DNAH12: variants seen among roughly 807,000 people sequenced by gnomAD.
The protein encoded by DNAH12 is axonemal beta dynein heavy chain 12.
In DNAH12, 285 loss-of-function variants were observed where a neutral mutation model predicts 371.5. The observed-to-expected ratio is 0.77, with a 90% confidence interval of 0.70 to 0.85. The LOEUF (loss-of-function observed/expected upper bound fraction) is 0.85, where lower values mean the gene tolerates loss of function less well. Ranked by LOEUF, DNAH12 falls within the 40% of genes least tolerant of loss-of-function variation. The probability of loss-of-function intolerance (pLI) is 0.00; values close to 1 mark genes in which losing one functional copy is unlikely to be tolerated. For missense variants in DNAH12, 3,611 were observed against 3,689.4 expected (o/e 0.98, Z 0.55); for synonymous variants, 1,200 against 1,213.0 (o/e 0.99, Z 0.22).
chr3:57,371,092 T>A (rs1192111888), intron 55 of DNAH12, among the ~76,000 whole-genome samples: 1 of 152,178 alleles, frequency 6.6e-6, no homozygotes, highest in East Asian at 1.9e-4. Flanking sequence ...CCTGCATGAC[T>A]GAGGAAACTC....
At chr3:57,408,655 G>A (rs2064111725) in intron 39 of DNAH12, 120 bp from the exon 40 acceptor site, 1 of 1,253,914 alleles carries the variant, frequency 8.0e-7, no homozygotes, top group Admixed American at 3.7e-5. Flanking sequence ...AATAACTTCA[G>A]ATAACACTTT....
chr3:57,419,483 T>A lies in DNAH12; in HGVS notation c.5598A>T (p.Glu1866Asp), dbSNP rs797021784. The change falls in exon 37 of 74, where the codon GAA (glutamate) becomes GAT (aspartate). Residue 1866 changes from glutamate to aspartate, a missense_variant. By Grantham distance (45) the Glu-to-Asp change is conservative (BLOSUM62 2). Coordinates refer to ENST00000495027, the MANE Select transcript of DNAH12 (RefSeq NM_001366028.2). ...CTCCTAAATTAGTATTTTTAATTAATTCATTCCAATGGACCCAGCGACCTT... is the reference window on the plus strand; with the variant it reads ...CTCCTAAATTAGTATTTTTAATTAAATCATTCCAATGGACCCAGCGACCTT... ...KNKGRWVHWN[E>D]LIKNTNLGDK... 6.8e-7 allele frequency: 1 copy of A among 1,480,668 alleles called. No individual in the cohort carries two copies. The highest frequency in any genetic ancestry group is 8.9e-7 in the Non-Finnish European group (1 of 1,117,696). 91.7% of individuals were successfully genotyped at this position (1,480,668 alleles called of 1,614,324 possible). A position where few individuals can be genotyped will look rare whatever the true frequency, so the allele number is the denominator to read the frequency against.
In DNAH12 at chr3:57,433,739, T is replaced by C. The variant is rs2065024344; in HGVS notation, c.4745A>G (p.Tyr1582Cys). ...DTLTLMNEHG[Y>C]GEEEKVIYRT... ...ATAAATGACCTTTTCTTCCTCTCCA[T>C]AGCCATGTTCATTCATTAAAGTTAG... The change falls in exon 31 of 74, where the codon TAT (tyrosine) becomes TGT (cysteine). Residue 1582 changes from tyrosine to cysteine, a missense_variant. By Grantham distance (194) the Tyr-to-Cys change is radical. This residue lies in a region of DNAH12 where 2,266 missense variants were observed against 2,236.9 expected (regional missense o/e 1.01). Coordinates refer to ENST00000495027, the MANE Select transcript of DNAH12 (RefSeq NM_001366028.2). The C allele has an allele frequency of 6.4e-7, 1 of 1,551,472 alleles. No homozygotes were observed. Among genetic ancestry groups the C allele is most frequent in the South Asian group, 1.2e-5 (1 of 84,026 alleles).
intron 45 of DNAH12, among the ~76,000 whole-genome samples, chr3:57,391,282 A>G (rs1472866503): frequency 1.3e-5 from 2 of 152,140 alleles, no homozygotes; most frequent in African/African-American, 4.8e-5. Flanking sequence ...AATCCAATGG[A>G]ACAAAAATGC....
At chr3:57,450,250 T>TAAAAAAAAAAAAA (rs58958877) in intron 25 of DNAH12, among the ~76,000 whole-genome samples, 2 of 98,580 alleles carry the variant, frequency 2.0e-5, no homozygotes, top group African/African-American at 8.1e-5. Flanking sequence ...TGTCTCAATT[T>TAAAAAAAAAAAAA]AAAAAAAAAA....
At chr3:57,536,056 CG>C (rs1371277505) in intron 2 of DNAH12, among the ~76,000 whole-genome samples, 1 of 151,076 alleles carries the variant, frequency 6.6e-6, no homozygotes, top group Non-Finnish European at 1.5e-5. Flanking sequence ...AGGCTGGTCT[CG>C]AACTCCTGAC....
At chr3:57,517,394 G>T (rs907955062) in intron 4 of DNAH12, among the ~76,000 whole-genome samples, 4 of 151,896 alleles carry the variant, frequency 2.6e-5, no homozygotes, top group African/African-American at 9.7e-5. Flanking sequence ...AGAATCTCAT[G>T]AATAAATAAA....
chr3:57,403,073 C>T (rs1171898025), intron 43 of DNAH12, among the ~76,000 whole-genome samples: 1 of 152,090 alleles, frequency 6.6e-6, no homozygotes, highest in African/African-American at 2.4e-5. Flanking sequence ...AGAGACAACC[C>T]ACCTGCTGCA....
At chr3:57,314,289 G>A (rs1431232821) in intron 66 of DNAH12, among the ~76,000 whole-genome samples, 1 of 152,136 alleles carries the variant, frequency 6.6e-6, no homozygotes, top group Non-Finnish European at 1.5e-5. Context: ...GAGTTTCATT[G>A]TGGTTTAAGC....
At chr3:57,410,119 G>A (rs1386776876) in intron 39 of DNAH12, among the ~76,000 whole-genome samples, 1 of 152,198 alleles carries the variant, frequency 6.6e-6, no homozygotes, top group Non-Finnish European at 1.5e-5. Context: ...GTTGAAAAGT[G>A]CAGGCATACC....
At chr3:57,333,692 G>A (rs934471509) in intron 62 of DNAH12, among the ~76,000 whole-genome samples, 6 of 152,114 alleles carry the variant, frequency 3.9e-5, no homozygotes, top group Non-Finnish European at 8.8e-5. Context: ...CAAAGACATC[G>A]TGGGGCTGGA....
chr3:57,519,171 G>A (rs568146290), intron 4 of DNAH12, among the ~76,000 whole-genome samples: 2 of 152,254 alleles, frequency 1.3e-5, no homozygotes, highest in South Asian at 2.1e-4. Context: ...CATCTTTCGC[G>A]TGCTTATTTG....
At chr3:57,543,267 A>AG (rs2069374814) in intron 1 of DNAH12, among the ~76,000 whole-genome samples, 1 of 143,782 alleles carries the variant, frequency 7.0e-6, no homozygotes, top group Non-Finnish European at 1.5e-5. Flanking sequence ...CCAGTTGTTG[A>AG]GGGATGATCC....
At chr3:57,413,024 T>C (rs1381350654) in intron 39 of DNAH12, among the ~76,000 whole-genome samples, 1 of 152,188 alleles carries the variant, frequency 6.6e-6, no homozygotes, top group Non-Finnish European at 1.5e-5. Context: ...TGTTGAAAAC[T>C]TGGAAGCAAC....
chr3:57,495,793 AT>A lies in DNAH12; in HGVS notation c.1335+5527del, dbSNP rs1310179415. On this transcript the variant is annotated intron_variant, in intron 11 of 73. Transcript: ENST00000495027. ...TTTATATATTTTTATATATTTATATATTTTTAATCCTTGATTTTATATATAT... is the reference window on the plus strand; with the variant it reads ...TTTATATATTTTTATATATTTATATATTTTAATCCTTGATTTTATATATAT... Among the ~76,000 whole-genome samples, 8 of 143,548 alleles carry A rather than the reference AT, an allele frequency of 5.6e-5. 1 individual carries two copies. Among genetic ancestry groups the A allele is most frequent in the Admixed American group, 4.2e-4 (6 of 14,148 alleles). The allele number at this position is 143,548 out of a possible 152,430, so 94.2% of individuals were successfully genotyped here. A position where few individuals can be genotyped will look rare whatever the true frequency, so the allele number is the denominator to read the frequency against.
chr3:57,479,289 G>C (rs2066651213), intron 13 of DNAH12, among the ~76,000 whole-genome samples: 2 of 151,974 alleles, frequency 1.3e-5, no homozygotes, highest in African/African-American at 4.8e-5. Context: ...TGATAAAACA[G>C]ACTTTAAACC....
At chr3:57,475,092 T>C (rs768154371) in intron 13 of DNAH12, among the ~76,000 whole-genome samples, 1 of 152,062 alleles carries the variant, frequency 6.6e-6, no homozygotes, top group Non-Finnish European at 1.5e-5. Context: ...TATGGGAAAA[T>C]ATTTAAATTG....
intron 70 of DNAH12, chr3:57,297,359 AT>A (rs35527517): frequency 0.017 from 2,625 of 157,936 alleles, 15 homozygotes; most frequent in Middle Eastern, 0.031. Context: ...CCTTAACCCT[AT>A]TTTTTTTTTT....
At chr3:57,390,114 G>A (rs2058367367) in intron 45 of DNAH12, among the ~76,000 whole-genome samples, 2 of 148,696 alleles carry the variant, frequency 1.3e-5, no homozygotes, top group Non-Finnish European at 3.0e-5. Flanking sequence ...GATTACAGGC[G>A]TGAGCCACCG....
Sources: gnomAD v4.1 joint callset for allele counts (sites outside exome capture counted in the v4.1 genomes callset) on GRCh38, gnomAD v4.1.1 for gene constraint, gnomAD v4.1.1 regional missense constraint, MANE v1.5 for transcripts, NCBI Gene and HGNC (gene_info 2026-07-23, HGNC 2026-07-21) for gene names.